CD300C: variants seen among roughly 807,000 people sequenced by gnomAD.
The protein encoded by CD300C is CD300c molecule, also known as CMRF35-like molecule 6.
In CD300C, 11 loss-of-function variants were observed where a neutral mutation model predicts 18.4. The ratio of observed to expected loss-of-function variants is 0.60; its 90% CI spans 0.38 to 0.99. The LOEUF (loss-of-function observed/expected upper bound fraction) is 0.99. Ranked by LOEUF, CD300C falls within the 50% of genes least tolerant of loss-of-function variation. The pLI, the probability that CD300C is intolerant of heterozygous loss-of-function variation, is 0.01. For missense variants in CD300C, 277 were observed against 287.4 expected (o/e 0.96, Z 0.26); for synonymous variants, 116 against 116.3 (o/e 1.00, Z 0.02).
At chr17:74,543,786 G>A (rs1566836) in intron 2 of CD300C, among the ~76,000 whole-genome samples, 71,061 of 152,094 alleles carry the variant, frequency 0.47, 17,053 homozygotes, top group Middle Eastern at 0.65. Flanking sequence ...TTGTGAGACA[G>A]GAGGGGGCCT....
intron 2 of CD300C, among the ~76,000 whole-genome samples, chr17:74,543,519 C>A (rs985258303): frequency 4.6e-5 from 7 of 152,206 alleles, no homozygotes; most frequent in African/African-American, 1.7e-4. Context: ...GAAGAAAGAT[C>A]TAGAGAGGGG....
rs1018558403 is a variant in CD300C, at chr17:74,546,026, C to T, written c.-244G>A. The T allele has an allele frequency of 7.2e-5, 35 of 487,154 alleles. No individual in the cohort carries two copies. The South Asian group carries it at 7.6e-4, about 11-fold the overall frequency. 30.2% of individuals were successfully genotyped at this position (487,154 alleles called of 1,614,324 possible). A position where few individuals can be genotyped will look rare whatever the true frequency, so the allele number is the denominator to read the frequency against. On this transcript the variant is annotated 5_prime_UTR_variant, in exon 1 of 4. Transcript: ENST00000330793. ...TGCTAGTGGCTCCTCTCAACCCTGA[C>T]GTCTGGCAAAGTCCAGGGTCCCTTG...
chr17:74,545,877 T>G lies in CD300C; in HGVS notation c.-95A>C. ...GCAGATCTGAGCTTCGCTTCTGCTTTTCTTCTGCTCTCTGCTTCCTTGTCC... is the reference window on the plus strand; with the variant it reads ...GCAGATCTGAGCTTCGCTTCTGCTTGTCTTCTGCTCTCTGCTTCCTTGTCC... On this transcript the variant is annotated 5_prime_UTR_variant, in exon 1 of 4. Coordinates refer to ENST00000330793, the MANE Select transcript of CD300C (RefSeq NM_006678.5). 9.7e-7 allele frequency: 1 copy of G among 1,026,262 alleles called. No homozygotes were observed. Among genetic ancestry groups the G allele is most frequent in the Non-Finnish European group, 1.5e-6 (1 of 679,522 alleles). The allele number at this position is 1,026,262 out of a possible 1,614,324, so 63.6% of individuals were successfully genotyped here.
intron 2 of CD300C, among the ~76,000 whole-genome samples, 181 bp downstream of exon 2, chr17:74,544,427 CA>C (rs35827849): frequency 0.68 from 102,690 of 152,080 alleles, 35,995 homozygotes; most frequent in African/African-American, 0.86. Flanking sequence ...AACCACACCA[CA>C]ACTCCTATGC....
intron 2 of CD300C, among the ~76,000 whole-genome samples, chr17:74,544,096 C>G (rs141611514): frequency 6.6e-6 from 1 of 152,150 alleles, no homozygotes; most frequent in East Asian, 1.9e-4. Context: ...CCAGACAGGG[C>G]GGCATCCATG....
chr17:74,534,798 C>T, the CD300C span, among the ~76,000 whole-genome samples: 10 of 152,194 alleles, frequency 6.6e-5, no homozygotes, highest in East Asian at 3.9e-4. Context: ...ATCATGTAAA[C>T]GCACAAAAAC....
At position 74,541,445 on chromosome 17, in the gene CD300C, C is replaced by T. The variant is rs1211184371; in HGVS notation, c.*144G>A. ...AGGTTCACATGTGACACATGAGGAT[C>T]GGGCACAGGGAAAAGGCTGAAGGAG... On this transcript the variant is annotated 3_prime_UTR_variant, in exon 4 of 4. Coordinates refer to ENST00000330793, the MANE Select transcript of CD300C (RefSeq NM_006678.5). The T allele has an allele frequency of 1.8e-5, 12 of 683,200 alleles. No individual in the cohort carries two copies. The Middle Eastern group carries it at 9.1e-4, about 52-fold the overall frequency. 42.3% of individuals were successfully genotyped at this position (683,200 alleles called of 1,614,324 possible).
chr17:74,541,593 T>A lies in CD300C; in HGVS notation c.671A>T (p.Gln224Leu). 2 of 1,611,800 alleles carry A rather than the reference T, an allele frequency of 1.2e-6. No individual in the cohort carries two copies. Among genetic ancestry groups the A allele is most frequent in the Non-Finnish European group, 1.7e-6 (2 of 1,177,960 alleles). The change falls in exon 4 of 4, where the codon CAG becomes CTG. Residue 224 changes from glutamine (Q) to leucine (L), a missense_variant. Physicochemically the swap from Gln to Leu is moderately radical, Grantham distance 113. Transcript: ENST00000330793. ...SRQNWPKGEN[Q>L] ...GGCCTTGATGGACAGCAGATGCTACTGGTTCTCACCCTTGGGCCAATTCTG... is the reference window on the plus strand; with the variant it reads ...GGCCTTGATGGACAGCAGATGCTACAGGTTCTCACCCTTGGGCCAATTCTG...
At chr17:74,543,952 AG>A (rs1305780576) in intron 2 of CD300C, among the ~76,000 whole-genome samples, 1 of 152,162 alleles carries the variant, frequency 6.6e-6, no homozygotes, top group Non-Finnish European at 1.5e-5. Context: ...CACACAGGTC[AG>A]CCTCAGGGGC....
Position 74,544,895 on chromosome 17 carries a change from G to A in CD300C, c.114C>T (p.Ser38=), listed in dbSNP as rs180678439. Residue 38 remains serine (S), a synonymous_variant, in exon 2 of 4, where the codon TCC becomes TCT. Transcript: ENST00000330793. ...PMTVAGPVGG[S]LSVQCRYEKE... is the part of the protein sequence containing the mutation. ...TCTCATAGCGACACTGCACACTCAG[G>A]GATCCCCCCACGGGGCCCGCCACGG... 3 of 1,613,258 alleles carry A rather than the reference G, an allele frequency of 1.9e-6. No individual in the cohort carries two copies. Among genetic ancestry groups the A allele is most frequent in the Admixed American group, 1.7e-5 (1 of 60,004 alleles).
At chr17:74,536,116 A>AT (rs35828520), downstream of CD300C, among the ~76,000 whole-genome samples, 3,135 of 151,978 alleles carry the variant, frequency 0.021, 36 homozygotes, top group South Asian at 0.051. Context: ...ATATAGGATA[A>AT]TTTTTTTTTA....
Position 74,541,427 on chromosome 17 carries a change from CAT to C in CD300C, c.*160_*161del. On this transcript the variant is annotated 3_prime_UTR_variant, in exon 4 of 4. Coordinates refer to ENST00000330793, the MANE Select transcript of CD300C (RefSeq NM_006678.5). ...AGGGCGTCCATGTCCGTCAGGTTCA[CAT>C]GTGACACATGAGGATCGGGCACAGG... 2 of 660,370 alleles carry C rather than the reference CAT, an allele frequency of 3.0e-6. No individual in the cohort carries two copies. The highest frequency in any genetic ancestry group is 1.8e-5 in the African/African-American group (1 of 56,124). 40.9% of individuals were successfully genotyped at this position (660,370 alleles called of 1,614,324 possible).
intron 3 of CD300C, among the ~76,000 whole-genome samples, 182 bp downstream of exon 3, chr17:74,542,679 G>A (rs1389129607): frequency 1.3e-5 from 2 of 152,262 alleles, no homozygotes; most frequent in Non-Finnish European, 2.9e-5. Context: ...GACAGTGGCT[G>A]TGTGGTTCCC....
In CD300C at chr17:74,542,896, G is replaced by A. The variant is rs1433827118; in HGVS notation, c.492C>T (p.Thr164=). 2.5e-6 allele frequency: 4 copies of A among 1,610,898 alleles called. No homozygotes were observed. The highest frequency in any genetic ancestry group is 2.5e-6 in the Non-Finnish European group (3 of 1,179,994). The stretch of plus-strand genomic sequence containing the variant: ...GGCTGGGTTCGGGGCTGTCCTTTCT[G>A]GTCACGCTGGGCCAGGTGTGCACGG... ...KLPVHTWPSV[T]RKDSPEPSPH... Residue 164 remains threonine (T), a synonymous_variant, in exon 3 of 4, where the codon ACC becomes ACT. Transcript: ENST00000330793.
chr17:74,541,252 C>A lies in CD300C; in HGVS notation c.*337G>T. 2 of 277,422 alleles carry A rather than the reference C, an allele frequency of 7.2e-6. No homozygotes were observed. The highest frequency in any genetic ancestry group is 4.7e-5 in the South Asian group (1 of 21,410). The allele number at this position is 277,422 out of a possible 1,614,324, so 17.2% of individuals were successfully genotyped here. A position where few individuals can be genotyped will look rare whatever the true frequency, so the allele number is the denominator to read the frequency against. ...AAGGTGCAGGGGAGTCCTAGACCTG[C>A]TTCTCCCTGTGAAAACGGTGGAGGA... is the stretch of plus-strand genomic sequence containing the variant. On this transcript the variant is annotated 3_prime_UTR_variant, in exon 4 of 4. Transcript: ENST00000330793.
In CD300C at chr17:74,541,571, C is replaced by T. The variant is rs761741927; in HGVS notation, c.*18G>A. ...GAGGGGCTCTGTTGCAGCACAGGGC[C>T]TTGATGGACAGCAGATGCTACTGGT... is the stretch of plus-strand genomic sequence containing the variant. On this transcript the variant is annotated 3_prime_UTR_variant, in exon 4 of 4. Coordinates refer to ENST00000330793, the MANE Select transcript of CD300C (RefSeq NM_006678.5). 1.4e-5 allele frequency: 22 copies of T among 1,588,958 alleles called. No individual in the cohort carries two copies. The highest frequency in any genetic ancestry group is 3.3e-4 in the Middle Eastern group (2 of 6,012).
chr17:74,543,668 C>T (rs777394144), intron 2 of CD300C, among the ~76,000 whole-genome samples: 1 of 152,116 alleles, frequency 6.6e-6, no homozygotes, highest in Non-Finnish European at 1.5e-5. Flanking sequence ...AGGAGGGACA[C>T]GTCGCCCCCG....
At chr17:74,545,414 G>A (rs1381833591) in intron 1 of CD300C, among the ~76,000 whole-genome samples, 1 of 152,124 alleles carries the variant, frequency 6.6e-6, no homozygotes, top group Non-Finnish European at 1.5e-5. Context: ...GTGCGTGTGA[G>A]TGTGACTGTG....
chr17:74,543,270 A>G (rs898965141), intron 2 of CD300C, among the ~76,000 whole-genome samples: 1 of 152,202 alleles, frequency 6.6e-6, no homozygotes, highest in African/African-American at 2.4e-5. Flanking sequence ...CCAGCCAGGG[A>G]GGGACAGGGT....
Sources: allele counts gnomAD v4.1 joint callset (sites outside exome capture counted in the v4.1 genomes callset), GRCh38; gene constraint gnomAD v4.1.1; transcripts MANE v1.5; gene names NCBI Gene and HGNC (gene_info 2026-07-23, HGNC 2026-07-21).